SGPP1: variants seen among roughly 807,000 people sequenced by gnomAD.
The protein encoded by SGPP1 is sphingosine-1-phosphate phosphatase 1.
A neutral mutation model predicts 33.0 loss-of-function variants in SGPP1; 21 were observed. The ratio of observed to expected loss-of-function variants is 0.64; its 90% CI spans 0.45 to 0.92. The LOEUF (loss-of-function observed/expected upper bound fraction) is 0.92, where lower values mean the gene tolerates loss of function less well. Among genes scored for constraint, SGPP1 ranks in the 40% least tolerant of loss-of-function variants. The pLI, the probability that SGPP1 is intolerant of heterozygous loss-of-function variation, is 0.00. For synonymous variants in SGPP1, 239 were observed against 241.2 expected (o/e 0.99, Z 0.08); for missense variants, 543 against 589.4 (o/e 0.92, Z 0.81).
intron 1 of SGPP1, among the ~76,000 whole-genome samples, chr14:63,707,040 CAA>C (rs747329924): frequency 0.054 from 3,581 of 66,340 alleles, 126 homozygotes; most frequent in African/African-American, 0.15. Context: ...GACTCTGTCC[CAA>C]AAAAAAAAAA....
At chr14:63,703,720 GA>G (rs1341729157) in intron 1 of SGPP1, among the ~76,000 whole-genome samples, 2 of 142,474 alleles carry the variant, frequency 1.4e-5, no homozygotes, top group Admixed American at 1.4e-4. Flanking sequence ...TGGATTAGAA[GA>G]CTTAATACAT....
At chr14:63,697,665 GAGA>G (rs1258121703) in intron 2 of SGPP1, among the ~76,000 whole-genome samples, 1 of 152,170 alleles carries the variant, frequency 6.6e-6, no homozygotes, top group Non-Finnish European at 1.5e-5. Context: ...TCTTGAGAAA[GAGA>G]AGATGGGGAA....
chr14:63,716,950 C>T (rs1885642103), intron 1 of SGPP1, among the ~76,000 whole-genome samples: 1 of 152,128 alleles, frequency 6.6e-6, no homozygotes, highest in Non-Finnish European at 1.5e-5. Context: ...GCCTTGGCCT[C>T]CCAAAGTGCT....
rs763904055 is a variant in SGPP1, at chr14:63,727,455, C to T, written c.490G>A (p.Val164Met). 6.2e-7 allele frequency: 1 copy of T among 1,614,150 alleles called. No homozygotes were observed. The highest frequency in any genetic ancestry group is 8.5e-7 in the Non-Finnish European group (1 of 1,180,034). The change falls in exon 1 of 3, where the codon GTG becomes ATG. Residue 164 changes from valine to methionine, a missense_variant. Physicochemically the swap from Val to Met is conservative, Grantham distance 21 (BLOSUM62 1). Transcript: ENST00000247225. ...NLDPLVGRRL[V>M]VIWVLVMYLG... ...TACATGACCAGCACCCAGATGACCACGAGCCTCCGGCCCACCAGAGGGTCC... is the reference window on the plus strand; with the variant it reads ...TACATGACCAGCACCCAGATGACCATGAGCCTCCGGCCCACCAGAGGGTCC...
chr14:63,717,233 C>G (rs1350445715), intron 1 of SGPP1, among the ~76,000 whole-genome samples: 1 of 131,892 alleles, frequency 7.6e-6, no homozygotes, highest in African/African-American at 3.0e-5. Context: ...GCAGGGAAAG[C>G]AAAAATGCTT....
chr14:63,724,426 G>A (rs1054640129), intron 1 of SGPP1, among the ~76,000 whole-genome samples: 5 of 151,892 alleles, frequency 3.3e-5, no homozygotes, highest in African/African-American at 9.7e-5. Context: ...ACAGCAGATA[G>A]GCAAGACTGC....
intron 1 of SGPP1, among the ~76,000 whole-genome samples, chr14:63,715,450 T>C (rs1226662201): frequency 3.9e-5 from 6 of 152,208 alleles, no homozygotes; most frequent in Non-Finnish European, 5.9e-5. Flanking sequence ...TTATGAAGCA[T>C]TCTGTTGTGT....
At chr14:63,718,359 T>C (rs1885675798) in intron 1 of SGPP1, among the ~76,000 whole-genome samples, 1 of 152,092 alleles carries the variant, frequency 6.6e-6, no homozygotes, top group African/African-American at 2.4e-5. Flanking sequence ...TTTTCCAAAA[T>C]TAATTCAATA....
At chr14:63,695,917 G>C (rs1295893355) in intron 2 of SGPP1, among the ~76,000 whole-genome samples, 2 of 145,998 alleles carry the variant, frequency 1.4e-5, no homozygotes, top group Non-Finnish European at 3.0e-5. Context: ...TCTCTAAAAA[G>C]GCAAACAAAC....
chr14:63,706,053 T>G (rs557906263), intron 1 of SGPP1, among the ~76,000 whole-genome samples: 2 of 152,322 alleles, frequency 1.3e-5, no homozygotes, highest in East Asian at 3.9e-4. Context: ...GATGAATGGG[T>G]AAATTATTTG....
At chr14:63,698,069 G>A (rs910082127) in intron 2 of SGPP1, among the ~76,000 whole-genome samples, 3 of 152,170 alleles carry the variant, frequency 2.0e-5, no homozygotes, top group East Asian at 3.8e-4. Context: ...TTTGGGAACC[G>A]AATTGCATTC....
rs1240064251 is a variant in SGPP1 at position 63,727,805 on chromosome 14, G to T, written c.140C>A (p.Ala47Glu). The T allele has an allele frequency of 6.6e-7, 1 of 1,505,724 alleles. No homozygotes were observed. Among genetic ancestry groups the T allele is most frequent in the Admixed American group, 2.1e-5 (1 of 48,554 alleles). The allele number at this position is 1,505,724 out of a possible 1,614,324, so 93.3% of individuals were successfully genotyped here. ...CAGTCGAGGGTCTCCGGCGAGAGGC[G>T]CCTCCGCTTTCTCATCCTCCCTCCG... ...ADRREDEKAE[A>E]PLAGDPRLRG... Residue 47 changes from alanine to glutamate, a missense_variant, in exon 1 of 3, where the codon GCG becomes GAG. Transcript: ENST00000247225.
At chr14:63,688,722 TTTC>T (rs1178380769) in intron 2 of SGPP1, among the ~76,000 whole-genome samples, 63 of 128,050 alleles carry the variant, frequency 4.9e-4, no homozygotes, top group African/African-American at 2.3e-3. Context: ...TTCTTTTTTT[TTTC>T]TTTTTTTTTT....
At chr14:63,727,147 G>A in intron 1 of SGPP1, 114 bp downstream of exon 1, 1 of 1,432,012 alleles carries the variant, frequency 7.0e-7, no homozygotes, top group Non-Finnish European at 9.1e-7. Flanking sequence ...GTGAAAACCT[G>A]TGGAAAGAGA....
At chr14:63,707,744 C>A (rs1027334092) in intron 1 of SGPP1, among the ~76,000 whole-genome samples, 1 of 152,042 alleles carries the variant, frequency 6.6e-6, no homozygotes, top group Non-Finnish European at 1.5e-5. Flanking sequence ...CTGCACCAAG[C>A]CCTTATTAAG....
chr14:63,691,538 C>T (rs1885095287), intron 2 of SGPP1, among the ~76,000 whole-genome samples: 1 of 152,130 alleles, frequency 6.6e-6, no homozygotes. Flanking sequence ...TCCACTGCAT[C>T]CTCCACATAC....
intron 1 of SGPP1, among the ~76,000 whole-genome samples, chr14:63,706,727 G>C (rs1368259408): frequency 6.6e-6 from 1 of 152,174 alleles, no homozygotes; most frequent in African/African-American, 2.4e-5. Context: ...AAGAGCAACT[G>C]TGAAATCCAC....
chr14:63,711,810 A>C (rs765097932), intron 1 of SGPP1, among the ~76,000 whole-genome samples: 52 of 152,262 alleles, frequency 3.4e-4, no homozygotes, highest in Admixed American at 4.6e-4. Flanking sequence ...TGGGCAGATC[A>C]CTTGAGGTCA....
At chr14:63,710,780 T>C (rs889536891) in intron 1 of SGPP1, among the ~76,000 whole-genome samples, 2 of 152,184 alleles carry the variant, frequency 1.3e-5, no homozygotes, top group Non-Finnish European at 2.9e-5. Flanking sequence ...AAAGAAAATA[T>C]AGCTTCCCTA....
Sources: gnomAD v4.1 joint callset for allele counts (sites outside exome capture counted in the v4.1 genomes callset) on GRCh38, gnomAD v4.1.1 for gene constraint, MANE v1.5 for transcripts, NCBI Gene and HGNC (gene_info 2026-07-23, HGNC 2026-07-21) for gene names.